RBBP8NL: variants seen among roughly 807,000 people sequenced by gnomAD.
The protein encoded by RBBP8NL is RBBP8 N-terminal like.
RBBP8NL carries 59 observed loss-of-function variants against 62.2 expected under a neutral mutation model. The ratio of observed to expected loss-of-function variants is 0.95; its 90% confidence interval spans 0.77 to 1.18. The LOEUF is 1.18. Ranked by LOEUF, RBBP8NL falls within the 50% of genes most tolerant of loss-of-function variation. The pLI, the probability that RBBP8NL is intolerant of heterozygous loss-of-function variation, is 0.00. For missense variants in RBBP8NL, 896 were observed against 899.5 expected (o/e 1.00, Z 0.05); for synonymous variants, 412 against 394.1 (o/e 1.05, Z -0.54).
chr20:62,417,423 C>G (rs1029326035), intron 3 of RBBP8NL, 104 bp from the exon 4 acceptor site: 5 of 870,796 alleles, frequency 5.7e-6, no homozygotes, highest in Non-Finnish European at 8.7e-6. Context: ...CACCTGCAGC[C>G]TTGGTCTGGG....
Position 62,412,676 on chromosome 20 carries a change from G to A in RBBP8NL, c.1824C>T (p.His608=), listed in dbSNP as rs199665028. The change falls in exon 13 of 14, where the codon CAC becomes CAT. Residue 608 remains histidine, a synonymous_variant. Transcript: ENST00000252998. ...TCCTCTTCCGTGGTGGACCCTGCCC[G>A]TGCTCCTGGGTGCAGATGCACTCAG... The part of the protein sequence containing the change: ...EGPECICTQE[H]GQGPPRKRKR... 2.8e-5 allele frequency: 45 copies of A among 1,608,358 alleles called. No homozygotes were observed. The highest frequency in any genetic ancestry group is 6.7e-5 in the African/African-American group (5 of 74,928).
chr20:62,421,394 T>A (rs1318457902), intron 1 of RBBP8NL, among the ~76,000 whole-genome samples: 1 of 129,924 alleles, frequency 7.7e-6, no homozygotes, highest in African/African-American at 3.1e-5. Flanking sequence ...CACACCCAAG[T>A]CAGTGTGCGT....
At chr20:62,422,178 C>T (rs547205056) in intron 1 of RBBP8NL, among the ~76,000 whole-genome samples, 2 of 152,344 alleles carry the variant, frequency 1.3e-5, no homozygotes, top group South Asian at 4.1e-4. Flanking sequence ...ACGGCCAGCC[C>T]AGCCCAAGTG....
At chr20:62,423,356 C>T (rs887862810) in intron 1 of RBBP8NL, among the ~76,000 whole-genome samples, 11 of 152,206 alleles carry the variant, frequency 7.2e-5, no homozygotes, top group Admixed American at 3.9e-4. Context: ...TGGACTGGGG[C>T]GTCCTCCCCA....
intron 13 of RBBP8NL, 47 bp downstream of exon 13, chr20:62,412,577 T>C: frequency 6.3e-7 from 1 of 1,587,274 alleles, no homozygotes; most frequent in Admixed American, 1.7e-5. Flanking sequence ...GTGGGTGCTG[T>C]GGCTCCCCTC....
At chr20:62,421,779 CAT>C (rs1394419630) in intron 1 of RBBP8NL, among the ~76,000 whole-genome samples, 40 of 141,972 alleles carry the variant, frequency 2.8e-4, no homozygotes, top group African/African-American at 9.9e-4. Flanking sequence ...GGGTGTGTGC[CAT>C]GTGTGTGCAT....
At chr20:62,419,047 G>T (rs533586722) in intron 2 of RBBP8NL, among the ~76,000 whole-genome samples, 10 of 152,206 alleles carry the variant, frequency 6.6e-5, no homozygotes, top group Admixed American at 1.3e-4. Context: ...TGTCCCTCGT[G>T]GGGGAAGTGG....
At chr20:62,423,248 T>C (rs66818361) in intron 1 of RBBP8NL, among the ~76,000 whole-genome samples, 21,735 of 152,124 alleles carry the variant, frequency 0.14, 3,471 homozygotes, top group African/African-American at 0.4. Flanking sequence ...AAACTGAGGC[T>C]CAAACAGATC....
At chr20:62,421,687 G>A (rs901872066) in intron 1 of RBBP8NL, among the ~76,000 whole-genome samples, 7 of 147,134 alleles carry the variant, frequency 4.8e-5, no homozygotes, top group African/African-American at 1.8e-4. Flanking sequence ...GCTCAAGCCA[G>A]TGTGCATGTG....
At chr20:62,418,539 C>G (rs1988631734) in intron 2 of RBBP8NL, 74 bp from the exon 3 acceptor site, 2 of 1,388,214 alleles carry the variant, frequency 1.4e-6, no homozygotes, top group East Asian at 5.0e-5. Flanking sequence ...ACCACGGGGT[C>G]TGGGCAGAGC....
Position 62,413,535 on chromosome 20 carries a change from C to A in RBBP8NL, c.1541G>T (p.Arg514Leu), listed in dbSNP as rs148778713. Residue 514 changes from arginine to leucine, a missense_variant, in exon 11 of 14, where the codon CGC becomes CTC. By Grantham distance (102) the Arg-to-Leu change is moderately radical (BLOSUM62 -2). Coordinates refer to ENST00000252998, the MANE Select transcript of RBBP8NL (RefSeq NM_080833.3). ...EEASTPMDPS[R>L]PLPGSQLSLS... ...GCTGAGCTGGGACCCTGGAAGTGGG[C>A]GTGAGGGGTCCTGGGGGGAGGCAAG... The A allele has an allele frequency of 1.1e-5, 16 of 1,522,658 alleles. No individual in the cohort carries two copies. In the East Asian group the frequency reaches 3.4e-4, roughly 32 times the overall value. 94.3% of individuals were successfully genotyped at this position (1,522,658 alleles called of 1,614,324 possible). A position where few individuals can be genotyped will look rare whatever the true frequency, so the allele number is the denominator to read the frequency against.
chr20:62,413,399 A>C lies in RBBP8NL; in HGVS notation c.1675+2T>G. 1 of 1,436,190 alleles carries C rather than the reference A, an allele frequency of 7.0e-7. No individual in the cohort carries two copies. The highest frequency in any genetic ancestry group is 1.7e-5 in the South Asian group (1 of 59,830). The allele number at this position is 1,436,190 out of a possible 1,614,324, so 89.0% of individuals were successfully genotyped here. A position where few individuals can be genotyped will look rare whatever the true frequency, so the allele number is the denominator to read the frequency against. On this transcript the variant is annotated splice_donor_variant, in intron 11 of 13. Coordinates refer to ENST00000252998, the MANE Select transcript of RBBP8NL (RefSeq NM_080833.3). LOFTEE classifies it high-confidence loss of function. ...GACTCTGACCCCAGGTGCTGACTGT[A>C]CCTGGGTGGCCGTCCAGGTCAGGCG...
Position 62,410,830 on chromosome 20 carries a change from C to T in RBBP8NL, c.*48G>A. 1 of 1,309,432 alleles carries T rather than the reference C, an allele frequency of 7.6e-7. No homozygotes were observed. The highest frequency in any genetic ancestry group is 1.1e-6 in the Non-Finnish European group (1 of 914,432). 81.1% of individuals were successfully genotyped at this position (1,309,432 alleles called of 1,614,324 possible). A position where few individuals can be genotyped will look rare whatever the true frequency, so the allele number is the denominator to read the frequency against. On this transcript the variant is annotated 3_prime_UTR_variant, in exon 14 of 14. Transcript: ENST00000252998. ...TGTGCCCTCTCCAGGCCCTGGTGGG[C>T]AGGTGGAGGGCTGCCCCGGGCTCGC...
In RBBP8NL at chr20:62,413,994, G is replaced by C. The variant is rs758695091; in HGVS notation, c.1357C>G (p.Gln453Glu). Residue 453 changes from glutamine (Q) to glutamate (E), a missense_variant, in exon 10 of 14, where the codon CAG becomes GAG. Coordinates refer to ENST00000252998, the MANE Select transcript of RBBP8NL (RefSeq NM_080833.3). ...DLSEWGRARGQDTPKPAGQHG... is the reference protein window; with the variant it reads ...DLSEWGRARGEDTPKPAGQHG... Reference sequence around the variant, plus strand: ...TGGCCGGCCGGCTTGGGAGTGTCCTGGCCCCGGGCCCGGCCCCACTCCGAG... The same window carrying C: ...TGGCCGGCCGGCTTGGGAGTGTCCTCGCCCCGGGCCCGGCCCCACTCCGAG... The C allele has an allele frequency of 6.4e-7, 1 of 1,569,088 alleles. No individual in the cohort carries two copies. Among genetic ancestry groups the C allele is most frequent in the Admixed American group, 1.8e-5 (1 of 54,586 alleles).
chr20:62,421,291 T>C (rs567963837), intron 1 of RBBP8NL, among the ~76,000 whole-genome samples: 61 of 151,024 alleles, frequency 4.0e-4, no homozygotes, highest in African/African-American at 1.5e-3. Flanking sequence ...AGTGTGCGTG[T>C]GTGTGTGCCA....
rs1294274140 is a variant in RBBP8NL at position 62,416,880 on chromosome 20, G to A, written c.201-8C>T. The A allele has an allele frequency of 6.5e-7, 1 of 1,546,126 alleles. No individual in the cohort carries two copies. Among genetic ancestry groups the A allele is most frequent in the Non-Finnish European group, 8.7e-7 (1 of 1,145,748 alleles). On this transcript the variant is annotated splice_region_variant and splice_polypyrimidine_tract_variant and intron_variant, in intron 4 of 13. Coordinates refer to ENST00000252998, the MANE Select transcript of RBBP8NL (RefSeq NM_080833.3). The stretch of plus-strand genomic sequence containing the variant: ...CACAGGCCGGCCCGCAGCCTGCAGG[G>A]ATGGGGACGCAGGGGGTGTGAGGGA...
chr20:62,419,822 T>G (rs1988660788), intron 1 of RBBP8NL, 92 bp from the exon 2 acceptor site: 1 of 651,892 alleles, frequency 1.5e-6, no homozygotes, highest in African/African-American at 1.8e-5. Context: ...TGTGTCTGTA[T>G]GGAGCAGACC....
rs35934795 is a variant in RBBP8NL, at chr20:62,415,173, C to A, written c.742G>T (p.Ala248Ser). ...PANGTPPPLP[A>S]RSSPPSPAYE... is the part of the protein sequence containing the mutation. ...GCTGGGCTGGGTGGGCTGCTCCTGGCGGGCAGTGGTGGGGGCGTCCCATTG... is the reference window on the plus strand; with the variant it reads ...GCTGGGCTGGGTGGGCTGCTCCTGGAGGGCAGTGGTGGGGGCGTCCCATTG... The change falls in exon 9 of 14, where the codon GCC (alanine) becomes TCC (serine). Residue 248 changes from alanine (A) to serine (S), a missense_variant. Coordinates refer to ENST00000252998, the MANE Select transcript of RBBP8NL (RefSeq NM_080833.3). 3 of 1,520,790 alleles carry A rather than the reference C, an allele frequency of 2.0e-6. No individual in the cohort carries two copies. Among genetic ancestry groups the A allele is most frequent in the African/African-American group, 2.8e-5 (2 of 72,702 alleles). The allele number at this position is 1,520,790 out of a possible 1,614,324, so 94.2% of individuals were successfully genotyped here. A position where few individuals can be genotyped will look rare whatever the true frequency, so the allele number is the denominator to read the frequency against.
At chr20:62,411,757 G>T (rs1243616990) in intron 13 of RBBP8NL, among the ~76,000 whole-genome samples, 1 of 152,258 alleles carries the variant, frequency 6.6e-6, no homozygotes, top group African/African-American at 2.4e-5. Flanking sequence ...GCACAAGGGT[G>T]TGCTGGCTCA....
Sources: allele counts gnomAD v4.1 joint callset (sites outside exome capture counted in the v4.1 genomes callset), GRCh38; gene constraint gnomAD v4.1.1; transcripts MANE v1.5; gene names NCBI Gene and HGNC (gene_info 2026-07-23, HGNC 2026-07-21).